LPP: variants seen among roughly 807,000 people sequenced by gnomAD.
The protein encoded by LPP is lipoma-preferred partner.
LPP carries 38 observed loss-of-function variants against 60.4 expected under a neutral mutation model. That is an observed-to-expected ratio of 0.63 (90% CI 0.49 to 0.83). LPP has a LOEUF of 0.83. Ranked by LOEUF, LPP falls within the 40% of genes least tolerant of loss-of-function variation. LPP has a pLI of 0.00. For synonymous variants in LPP, 328 were observed against 290.8 expected (o/e 1.13, Z -1.30); for missense variants, 902 against 783.6 (o/e 1.15, Z -1.80).
At chr3:188,411,198 G>A (rs1784809945) in intron 4 of LPP, among the ~76,000 whole-genome samples, 1 of 151,974 alleles carries the variant, frequency 6.6e-6, no homozygotes, top group Non-Finnish European at 1.5e-5. Flanking sequence ...TCCGGGAAAT[G>A]CAAATTAAAA....
At chr3:188,251,041 C>CTTTCTCTCTA (rs1729428536) in intron 2 of LPP, among the ~76,000 whole-genome samples, 1 of 113,602 alleles carries the variant, frequency 8.8e-6, no homozygotes, top group Non-Finnish European at 1.8e-5. Flanking sequence ...CTCCCCTTTT[C>CTTTCTCTCTA]TTTCTCTCTC....
At position 188,596,884 on chromosome 3, in the gene LPP, TGAAGTCCGTGAA is replaced by T. The variant is rs79762650; in HGVS notation, c.430-12276_430-12265del. ...TGCTCACACTGGTGGCTTCTTTTAC[TGAAGTCCGTGAA>T]TATGTTAGAAACTCTTGTATGAAAA... On this transcript the variant is annotated intron_variant, in intron 6 of 11. Transcript: ENST00000617246. Among the ~76,000 whole-genome samples, 367 of 152,284 alleles carry T rather than the reference TGAAGTCCGTGAA, an allele frequency of 2.4e-3. 1 individual carries two copies. The highest frequency in any genetic ancestry group is 0.01 in the Middle Eastern group (3 of 294).
intron 9 of LPP, among the ~76,000 whole-genome samples, chr3:188,762,528 C>A (rs549795403): frequency 2.0e-5 from 3 of 152,068 alleles, no homozygotes; most frequent in Non-Finnish European, 2.9e-5. Flanking sequence ...TTTCTGAGTG[C>A]GTAACAAAAC....
At chr3:188,262,732 TCA>T (rs554027168) in intron 2 of LPP, among the ~76,000 whole-genome samples, 1 of 150,980 alleles carries the variant, frequency 6.6e-6, no homozygotes, top group Admixed American at 6.6e-5. Flanking sequence ...TCTCTCTGTC[TCA>T]CACACACACA....
intron 4 of LPP, among the ~76,000 whole-genome samples, chr3:188,483,710 G>A (rs1309509135): frequency 6.6e-6 from 1 of 152,124 alleles, no homozygotes; most frequent in Non-Finnish European, 1.5e-5. Flanking sequence ...GGTAAGAGAT[G>A]CTAGGTTTTT....
chr3:188,612,098 T>C (rs1036495359), intron 7 of LPP, among the ~76,000 whole-genome samples: 2 of 152,250 alleles, frequency 1.3e-5, no homozygotes, highest in African/African-American at 4.8e-5. Context: ...ATTTTTAAAA[T>C]TTTTGATATA....
chr3:188,505,369 CT>C (rs1384582179), intron 5 of LPP, among the ~76,000 whole-genome samples: 1 of 152,178 alleles, frequency 6.6e-6, no homozygotes, highest in East Asian at 1.9e-4. Context: ...CTCCCTGTCT[CT>C]AAATTTAGGT....
At chr3:188,423,634 C>T (rs1788480063) in intron 4 of LPP, among the ~76,000 whole-genome samples, 1 of 152,200 alleles carries the variant, frequency 6.6e-6, no homozygotes. Flanking sequence ...TAATGATCAC[C>T]ATTCTAACTG....
intron 3 of LPP, among the ~76,000 whole-genome samples, chr3:188,366,595 T>C (rs1343884160): frequency 3.3e-5 from 5 of 152,226 alleles, no homozygotes; most frequent in Non-Finnish European, 5.9e-5. Context: ...GGTGTGTGGC[T>C]AGTTGTTTAG....
At chr3:188,420,071 T>G (rs1445231288) in intron 4 of LPP, among the ~76,000 whole-genome samples, 1 of 151,522 alleles carries the variant, frequency 6.6e-6, no homozygotes, top group Non-Finnish European at 1.5e-5. Flanking sequence ...GAGGGTTCTA[T>G]CCATAGTTTT....
intron 9 of LPP, among the ~76,000 whole-genome samples, chr3:188,781,808 C>T (rs559912306): frequency 6.6e-6 from 1 of 151,072 alleles, no homozygotes; most frequent in Non-Finnish European, 1.5e-5. Context: ...AGGAGAATCA[C>T]TTGAACCCGG....
chr3:188,744,122 A>G (rs759157706), intron 8 of LPP, among the ~76,000 whole-genome samples: 1 of 152,188 alleles, frequency 6.6e-6, no homozygotes, highest in Non-Finnish European at 1.5e-5. Context: ...ATAGTCATAC[A>G]TACTCACAAA....
In LPP at chr3:188,309,403, C is replaced by T. The variant is rs534178582; in HGVS notation, c.-66-32260C>T. The stretch of plus-strand genomic sequence containing the variant: ...TTGCAGGCTCTGGAGTTAGATTGAG[C>T]GCACCTGAAGCTAAGGTTAAAGATG... On this transcript the variant is annotated intron_variant, in intron 2 of 11. Coordinates refer to ENST00000617246, the MANE Select transcript of LPP (RefSeq NM_001375462.1). Among the ~76,000 whole-genome samples, 8 of 152,172 alleles carry T rather than the reference C, an allele frequency of 5.3e-5. No homozygotes were observed. In the South Asian group the frequency reaches 8.3e-4, roughly 16 times the overall value.
At chr3:188,158,086 C>T (rs180868295) in intron 1 of LPP, among the ~76,000 whole-genome samples, 204 of 152,180 alleles carry the variant, frequency 1.3e-3, no homozygotes, top group Non-Finnish European at 2.5e-3. Flanking sequence ...GGTAGGGTCT[C>T]TAGCGTCATC....
chr3:188,785,825 A>G (rs1225174677), intron 9 of LPP, among the ~76,000 whole-genome samples: 10 of 151,632 alleles, frequency 6.6e-5, no homozygotes, highest in African/African-American at 2.2e-4. Context: ...CTCTTTACCT[A>G]TGTCTCAGTT....
At chr3:188,737,690 G>C (rs546080298) in intron 8 of LPP, among the ~76,000 whole-genome samples, 18 of 152,098 alleles carry the variant, frequency 1.2e-4, no homozygotes, top group Non-Finnish European at 2.4e-4. Flanking sequence ...CTTTGGCTAC[G>C]GTTTGCTGCT....
At chr3:188,342,954 T>G (rs761633382) in intron 3 of LPP, among the ~76,000 whole-genome samples, 1 of 152,140 alleles carries the variant, frequency 6.6e-6, no homozygotes, top group African/African-American at 2.4e-5. Flanking sequence ...TTATTATTAT[T>G]TATTTATTTT....
At chr3:188,298,884 AG>A (rs1005451462) in intron 2 of LPP, among the ~76,000 whole-genome samples, 1 of 152,206 alleles carries the variant, frequency 6.6e-6, no homozygotes, top group African/African-American at 2.4e-5. Flanking sequence ...GCATGAGCAG[AG>A]GGAAGCTTAG....
intron 4 of LPP, among the ~76,000 whole-genome samples, chr3:188,425,814 T>C (rs1578800547): frequency 6.6e-6 from 1 of 152,312 alleles, no homozygotes; most frequent in Admixed American, 6.5e-5. Flanking sequence ...TCATTTTTTA[T>C]TGTGTCTATT....
Sources: allele counts gnomAD v4.1 joint callset (sites outside exome capture counted in the v4.1 genomes callset), GRCh38; gene constraint gnomAD v4.1.1; transcripts MANE v1.5; gene names NCBI Gene and HGNC (gene_info 2026-07-23, HGNC 2026-07-21).